The following NR6A1 variants were observed in gnomAD, a reference collection of about 807,000 sequenced individuals.
NR6A1 encodes nuclear receptor subfamily 6 group A member 1.
In NR6A1, 7 loss-of-function variants were observed where a neutral mutation model predicts 59.1. That is an observed-to-expected ratio of 0.12 (90% CI 0.07 to 0.22). The LOEUF is 0.22. Ranked by LOEUF, NR6A1 falls within the 10% of genes least tolerant of loss-of-function variation. NR6A1 has a pLI of 1.00. For missense variants in NR6A1, 468 were observed against 611.6 expected (o/e 0.77, Z 2.48); for synonymous variants, 243 against 236.1 (o/e 1.03, Z -0.27).
intron 1 of NR6A1, among the ~76,000 whole-genome samples, chr9:124,742,447 G>A (rs1040511854): frequency 1.3e-5 from 2 of 152,118 alleles, no homozygotes; most frequent in East Asian, 3.9e-4. Flanking sequence ...TGTAATCCCA[G>A]CTACTCGAGA....
chr9:124,558,649 A>G (rs960673544), intron 2 of NR6A1, among the ~76,000 whole-genome samples: 22 of 152,198 alleles, frequency 1.4e-4, no homozygotes, highest in African/African-American at 5.3e-4. Flanking sequence ...TCAACATTTT[A>G]CAGATGAGGA....
intron 2 of NR6A1, among the ~76,000 whole-genome samples, chr9:124,580,697 G>A (rs2131457622): frequency 1.3e-5 from 2 of 152,190 alleles, no homozygotes; most frequent in South Asian, 2.1e-4. Context: ...GCTCACGCCT[G>A]TAATCCCAGT....
At chr9:124,679,210 A>C (rs951003894) in intron 2 of NR6A1, among the ~76,000 whole-genome samples, 3 of 152,216 alleles carry the variant, frequency 2.0e-5, no homozygotes, top group African/African-American at 7.2e-5. Context: ...CTGTACAAAA[A>C]TAGAGCAATT....
chr9:124,577,389 T>C (rs1834632768), intron 2 of NR6A1, among the ~76,000 whole-genome samples: 1 of 152,228 alleles, frequency 6.6e-6, no homozygotes, highest in Admixed American at 6.5e-5. Flanking sequence ...GAATTAGTAG[T>C]TGATTTGGCT....
intron 2 of NR6A1, among the ~76,000 whole-genome samples, chr9:124,611,836 T>G (rs534358878): frequency 6.7e-6 from 1 of 148,408 alleles, no homozygotes; most frequent in African/African-American, 2.5e-5. Flanking sequence ...CACTGAGCAA[T>G]TCCCATTCTG....
intron 7 of NR6A1, among the ~76,000 whole-genome samples, chr9:124,530,471 T>C (rs1052285001): frequency 2.6e-5 from 4 of 152,164 alleles, no homozygotes; most frequent in African/African-American, 9.7e-5. Flanking sequence ...GTCTACAAAT[T>C]ATCAGCATTC....
intron 2 of NR6A1, among the ~76,000 whole-genome samples, chr9:124,583,138 A>G (rs1039636478): frequency 2.1e-5 from 3 of 141,504 alleles, no homozygotes; most frequent in Non-Finnish European, 4.6e-5. Context: ...TCACGCACCC[A>G]CCCACCCACA....
At chr9:124,708,673 C>CATA (rs1275305325) in intron 2 of NR6A1, among the ~76,000 whole-genome samples, 3 of 152,190 alleles carry the variant, frequency 2.0e-5, no homozygotes, top group African/African-American at 7.2e-5. Flanking sequence ...TCCCAAAAGC[C>CATA]ATAACTACTG....
At chr9:124,649,559 A>C (rs531919488) in intron 2 of NR6A1, among the ~76,000 whole-genome samples, 1 of 152,310 alleles carries the variant, frequency 6.6e-6, no homozygotes, top group Non-Finnish European at 1.5e-5. Context: ...AGATTCTTTG[A>C]GTTAGACCTC....
intron 1 of NR6A1, among the ~76,000 whole-genome samples, chr9:124,764,509 G>A (rs574796849): frequency 2.0e-5 from 3 of 152,274 alleles, no homozygotes; most frequent in African/African-American, 4.8e-5. Flanking sequence ...TCTATGAAAT[G>A]TAAGGAGGAA....
intron 2 of NR6A1, among the ~76,000 whole-genome samples, chr9:124,593,715 T>C (rs1835193380): frequency 6.6e-6 from 1 of 152,216 alleles, no homozygotes; most frequent in Non-Finnish European, 1.5e-5. Flanking sequence ...GTTTTGGTTT[T>C]AGGTGTCTGT....
Position 124,707,909 on chromosome 9 carries a change from G to A in NR6A1, c.142+25399C>T, listed in dbSNP as rs569799758. Among the ~76,000 whole-genome samples the A allele has an allele frequency of 5.9e-5, 9 of 152,304 alleles. No homozygotes were observed. In the South Asian group the frequency reaches 1.9e-3, roughly 32 times the overall value. Reference sequence around the variant, plus strand: ...TGCAACTATGGTCAGGATAAGGGGAGCACACTCACACTTCAGGCCTTCACG... The same window carrying A: ...TGCAACTATGGTCAGGATAAGGGGAACACACTCACACTTCAGGCCTTCACG... On this transcript the variant is annotated intron_variant, in intron 2 of 9. Coordinates refer to ENST00000487099, the MANE Select transcript of NR6A1 (RefSeq NM_033334.4).
intron 2 of NR6A1, among the ~76,000 whole-genome samples, chr9:124,611,626 GTAATCCTAGC>G (rs1835744872): frequency 6.6e-6 from 1 of 152,166 alleles, no homozygotes; most frequent in East Asian, 1.9e-4. Context: ...GCACATGCCT[GTAATCCTAGC>G]TATGTGGGGG....
intron 2 of NR6A1, chr9:124,598,761 G>A: frequency 1.1e-6 from 1 of 917,006 alleles, no homozygotes; most frequent in Non-Finnish European, 1.8e-6. Flanking sequence ...CACCGAAAGA[G>A]CTTCTAGCTT....
chr9:124,540,070 T>G lies in NR6A1; in HGVS notation c.559A>C (p.Ser187Arg), dbSNP rs753853995. Residue 187 changes from serine (S) to arginine (R), a missense_variant, in exon 5 of 10, where the codon AGC becomes CGC. Physicochemically the swap from Ser to Arg is moderately radical, Grantham distance 110. Transcript: ENST00000487099. Reference sequence around the variant, plus strand: ...GTGGAGCCTGGTGAGGGCTGGTTGCTCTCCGAAGCCCTGTTCCCAGGGGAA... The same window carrying G: ...GTGGAGCCTGGTGAGGGCTGGTTGCGCTCCGAAGCCCTGTTCCCAGGGGAA... ...HSSPGNRASE[S>R]NQPSPGSTLS... The G allele has an allele frequency of 3.7e-6, 6 of 1,613,246 alleles. No homozygotes were observed. The South Asian group carries it at 6.6e-5, about 18-fold the overall frequency.
intron 2 of NR6A1, chr9:124,698,416 G>A (rs1838833283): frequency 6.6e-6 from 1 of 152,154 alleles, no homozygotes; most frequent in Non-Finnish European, 1.5e-5. Flanking sequence ...CAGCTGCAGG[G>A]ATAGTAGAAA....
chr9:124,568,973 C>A (rs1834359230), intron 2 of NR6A1, among the ~76,000 whole-genome samples: 1 of 151,776 alleles, frequency 6.6e-6, no homozygotes, highest in South Asian at 2.1e-4. Flanking sequence ...ATTAGCCAGG[C>A]ATGGTGGCGG....
At chr9:124,739,169 C>T (rs1368015086) in intron 1 of NR6A1, among the ~76,000 whole-genome samples, 2 of 143,770 alleles carry the variant, frequency 1.4e-5, no homozygotes, top group Admixed American at 7.1e-5. Flanking sequence ...GCCTGGACAA[C>T]AGAGCGAGAC....
chr9:124,648,319 G>A (rs558535913), intron 2 of NR6A1, among the ~76,000 whole-genome samples: 10 of 152,162 alleles, frequency 6.6e-5, no homozygotes, highest in Admixed American at 5.2e-4. Flanking sequence ...GCAACATAGC[G>A]AGACCCCATC....
Sources: allele counts gnomAD v4.1 joint callset (sites outside exome capture counted in the v4.1 genomes callset), GRCh38; gene constraint gnomAD v4.1.1; transcripts MANE v1.5; gene names NCBI Gene and HGNC (gene_info 2026-07-23, HGNC 2026-07-21).